TCF20: variants seen among roughly 807,000 people sequenced by gnomAD.
TCF20 encodes the protein SPRE-binding protein.
TCF20 carries 3 observed loss-of-function variants against 148.6 expected under a neutral mutation model. The ratio of observed to expected loss-of-function variants is 0.02; its 90% CI spans 0.01 to 0.05. The LOEUF is 0.05. Among genes scored for constraint, TCF20 ranks in the 10% least tolerant of loss-of-function variants. The pLI is 1.00. For synonymous variants in TCF20, 1,049 were observed against 909.5 expected (o/e 1.15, Z -2.76); for missense variants, 2,350 against 2,429.3 (o/e 0.97, Z 0.69).
chr22:42,206,495 T>G (rs1938397436), intron 2 of TCF20, among the ~76,000 whole-genome samples: 1 of 152,178 alleles, frequency 6.6e-6, no homozygotes. Context: ...AAGAGGATGA[T>G]TAACGGATTA....
chr22:42,165,736 T>C (rs1171142738), intron 5 of TCF20, among the ~76,000 whole-genome samples: 1 of 152,226 alleles, frequency 6.6e-6, no homozygotes, highest in African/African-American at 2.4e-5. Flanking sequence ...GCATGGCAGA[T>C]CAACGGGCTG....
In TCF20 at chr22:42,316,951, G is replaced by C. The variant is rs184158963; in HGVS notation, c.-37+26528C>G. Among the ~76,000 whole-genome samples the C allele has an allele frequency of 1.8e-3, 277 of 152,248 alleles. 1 individual carries two copies. The highest frequency in any genetic ancestry group is 2.6e-3 in the Non-Finnish European group (174 of 68,016). On this transcript the variant is annotated intron_variant, in intron 1 of 1. Coordinates refer to the TCF20 transcript ENST00000515426. ...AAGTGCCAGGCGTCTTTTCCCGTCTGTGCCCACTGCTTTTCTCTTCCTGGA... is the reference window on the plus strand; with the variant it reads ...AAGTGCCAGGCGTCTTTTCCCGTCTCTGCCCACTGCTTTTCTCTTCCTGGA...
chr22:42,212,985 T>G lies in TCF20; in HGVS notation c.2321A>C (p.Glu774Ala), dbSNP rs1921177411. The change falls in exon 2 of 6, where the codon GAG becomes GCG. Residue 774 changes from glutamate to alanine, a missense_variant. Coordinates refer to ENST00000677622, the MANE Select transcript of TCF20 (RefSeq NM_001378418.1). ...TAGGCTACCAGCCATCCCCTGATGC[T>G]CTTGAGTACTCCTAGAATATCTCCT... ...PDRRYSRSTQ[E>A]HQGMAGSLEG... 6.2e-7 allele frequency: 1 copy of G among 1,614,112 alleles called. No homozygotes were observed. The highest frequency in any genetic ancestry group is 1.7e-5 in the Admixed American group (1 of 60,010).
intron 1 of TCF20, among the ~76,000 whole-genome samples, chr22:42,316,534 T>C (rs1022087637): frequency 6.6e-6 from 1 of 152,064 alleles, no homozygotes; most frequent in African/African-American, 2.4e-5. Flanking sequence ...ACCTGCCAGG[T>C]TCAAGCGATT....
At position 42,213,956 on chromosome 22, in the gene TCF20, A is replaced by G; in HGVS notation, c.1350T>C (p.Asp450=). 1 of 1,614,130 alleles carries G rather than the reference A, an allele frequency of 6.2e-7. No individual in the cohort carries two copies. The highest frequency in any genetic ancestry group is 8.5e-7 in the Non-Finnish European group (1 of 1,180,020). The part of the protein sequence containing the change: ...LEGVPEKRLT[D]PGLSSLSALS... ...GAGCACTCAAACTACTCAACCCAGG[A>G]TCTGTCAGTCGCTTTTCTGGTACCC... Residue 450 remains aspartate, a synonymous_variant, in exon 2 of 6, where the codon GAT becomes GAC. Coordinates refer to ENST00000677622, the MANE Select transcript of TCF20 (RefSeq NM_001378418.1).
At chr22:42,301,446 G>A (rs2147033975) in intron 1 of TCF20, among the ~76,000 whole-genome samples, 1 of 152,342 alleles carries the variant, frequency 6.6e-6, no homozygotes, top group South Asian at 2.1e-4. Context: ...AAGGCACGTG[G>A]CCTGGTCCCT....
chr22:42,264,289 G>C (rs1481094840), intron 1 of TCF20, among the ~76,000 whole-genome samples: 1 of 150,434 alleles, frequency 6.6e-6, no homozygotes, highest in Non-Finnish European at 1.5e-5. Flanking sequence ...GGGGCAGGGT[G>C]GGGGAGGGGG....
intron 1 of TCF20, among the ~76,000 whole-genome samples, chr22:42,335,769 A>C (rs756767336): frequency 2.0e-5 from 3 of 152,140 alleles, no homozygotes; most frequent in Non-Finnish European, 4.4e-5. Flanking sequence ...GGGAGCCAGT[A>C]GGGTGGCAAG....
upstream of TCF20, among the ~76,000 whole-genome samples, chr22:42,288,537 GAAAAAAA>G: frequency 1.4e-5 from 1 of 73,452 alleles, no homozygotes; most frequent in Non-Finnish European, 2.6e-5. Context: ...TCCATCTCAG[GAAAAAAA>G]AAAAAAAAAA....
At chr22:42,284,396 C>G (rs1663755681), upstream of TCF20, among the ~76,000 whole-genome samples, 1 of 152,226 alleles carries the variant, frequency 6.6e-6, no homozygotes, top group African/African-American at 2.4e-5. Flanking sequence ...CATAGAGCAC[C>G]TACTGTGTGC....
At chr22:42,295,122 G>A (rs1405130464) in intron 1 of TCF20, among the ~76,000 whole-genome samples, 4 of 152,224 alleles carry the variant, frequency 2.6e-5, no homozygotes, top group Non-Finnish European at 4.4e-5. Context: ...CAGGGCACAG[G>A]AGGAGAGAGG....
In TCF20 at chr22:42,292,526, A is replaced by G. The variant is rs17002947; in HGVS notation, c.-37+50953T>C. On this transcript the variant is annotated intron_variant, in intron 1 of 1. Coordinates refer to the TCF20 transcript ENST00000515426. This position sits in a 1 kb window ranked among gnomAD's most constrained non-coding sequence, Gnocchi z 4.9. The stretch of plus-strand genomic sequence containing the variant: ...TAACAAGGGCTCAGCCTGGCCCTCA[A>G]TGAGGTAACATCCTGCGTGTCAACT... Among the ~76,000 whole-genome samples, 25,208 of 152,124 alleles carry G rather than the reference A, an allele frequency of 0.17. 2,364 individuals carry two copies. Among genetic ancestry groups the G allele is most frequent in the Non-Finnish European group, 0.2 (13,397 of 67,954 alleles).
intron 5 of TCF20, among the ~76,000 whole-genome samples, chr22:42,162,278 A>G (rs964776078): frequency 5.9e-5 from 9 of 152,058 alleles, no homozygotes; most frequent in African/African-American, 2.2e-4. Flanking sequence ...CACCTGGCCC[A>G]CAGTCAGTTC....
At chr22:42,179,731 C>T in intron 2 of TCF20, 29 bp from the exon 3 acceptor site, 3 of 1,527,946 alleles carry the variant, frequency 2.0e-6, no homozygotes, top group Non-Finnish European at 2.7e-6. Context: ...TCAGGCATGT[C>T]AGTATCCCAG....
intron 1 of TCF20, among the ~76,000 whole-genome samples, chr22:42,227,075 G>C (rs929282293): frequency 3.3e-5 from 5 of 152,002 alleles, no homozygotes; most frequent in Admixed American, 3.3e-4. Context: ...ACGAGGCCAG[G>C]AGTTCAAGAC....
Position 42,195,866 on chromosome 22 carries a change from G to A in TCF20, c.5655+13785C>T, listed in dbSNP as rs139983069. On this transcript the variant is annotated intron_variant, in intron 2 of 5. Transcript: ENST00000677622. ...CAAAGGCCCACCTCTTCCCACTGGA[G>A]GTTACATTGCTTCTACGTGTCTCTT... 2.7e-3 allele frequency among the ~76,000 whole-genome samples: 406 copies of A among 152,288 alleles called. 2 individuals are homozygous for A. Among genetic ancestry groups the A allele is most frequent in the African/African-American group, 9.1e-3 (380 of 41,554 alleles).
intron 1 of TCF20, among the ~76,000 whole-genome samples, chr22:42,225,616 G>A (rs112003406): frequency 0.045 from 5,300 of 117,252 alleles, 348 homozygotes; most frequent in African/African-American, 0.17. Context: ...GCGAGACTCC[G>A]TCTCAAAAAA....
intron 5 of TCF20, 151 bp from the exon 6 acceptor site, chr22:42,161,509 A>C: frequency 2.0e-6 from 2 of 976,074 alleles, no homozygotes; most frequent in South Asian, 3.0e-5. Context: ...GACACACCCG[A>C]GACCAATGCC....
chr22:42,241,842 C>T (rs1255099637), intron 1 of TCF20, among the ~76,000 whole-genome samples: 26 of 150,104 alleles, frequency 1.7e-4, no homozygotes, highest in Non-Finnish European at 1.2e-4. Flanking sequence ...CTCAAAAAAA[C>T]GCAGATTAGT....
Sources: allele counts gnomAD v4.1 joint callset (sites outside exome capture counted in the v4.1 genomes callset), GRCh38; gene constraint gnomAD v4.1.1; non-coding constraint Gnocchi (gnomAD v3.1); transcripts MANE v1.5; gene names NCBI Gene and HGNC (gene_info 2026-07-23, HGNC 2026-07-21).